The following CYSTM1 variants were observed in gnomAD, a reference collection of about 807,000 sequenced individuals.
The protein encoded by CYSTM1 is cysteine-rich transmembrane module-containing protein 1.
CYSTM1 carries 4 observed loss-of-function variants against 13.1 expected under a neutral mutation model. That is an observed-to-expected ratio of 0.31 (90% CI 0.15 to 0.70). CYSTM1 has a LOEUF of 0.70. Ranked by LOEUF, CYSTM1 falls within the 30% of genes least tolerant of loss-of-function variation. The probability of loss-of-function intolerance (pLI) is 0.72; values close to 1 mark genes in which losing one functional copy is unlikely to be tolerated. For missense variants in CYSTM1, 96 were observed against 121.6 expected, an observed-to-expected ratio of 0.79 and a Z score of 0.99; for synonymous variants, 36 against 42.7, an observed-to-expected ratio of 0.84 and a Z score of 0.62.
chr5:140,229,060 A>G, intron 2 of CYSTM1: 1 of 372,312 alleles, frequency 2.7e-6, no homozygotes, highest in Non-Finnish European at 4.8e-6. Flanking sequence ...GTTTGTACAT[A>G]TCTTGTGAAT....
rs1473515597 is a variant in CYSTM1, at chr5:140,177,145, G to A, written c.-21+1860G>A. Among the ~76,000 whole-genome samples, 16 of 151,594 alleles carry A rather than the reference G, an allele frequency of 1.1e-4. No homozygotes were observed. The East Asian group carries it at 2.7e-3, about 26-fold the overall frequency. Reference sequence around the variant, plus strand: ...TCCGTGTAAGGCTGCGTAAGTGTTAGTTGGCTATTTTGTCTTAATTTCCTG... The same window carrying A: ...TCCGTGTAAGGCTGCGTAAGTGTTAATTGGCTATTTTGTCTTAATTTCCTG... On this transcript the variant is annotated intron_variant, in intron 1 of 2. Transcript: ENST00000261811.
chr5:140,191,507 A>T (rs1764095454), intron 1 of CYSTM1, among the ~76,000 whole-genome samples: 1 of 152,252 alleles, frequency 6.6e-6, no homozygotes, highest in Admixed American at 6.5e-5. Flanking sequence ...AGAACTGCAC[A>T]GGATAATGAG....
At chr5:140,206,959 T>C (rs1039477280) in intron 2 of CYSTM1, among the ~76,000 whole-genome samples, 1 of 152,178 alleles carries the variant, frequency 6.6e-6, no homozygotes, top group Non-Finnish European at 1.5e-5. Context: ...AAACTGAGGA[T>C]AATCCATTTA....
At chr5:140,220,770 G>A (rs1054286980) in intron 2 of CYSTM1, among the ~76,000 whole-genome samples, 5 of 152,016 alleles carry the variant, frequency 3.3e-5, no homozygotes, top group African/African-American at 7.2e-5. Context: ...GAGTCTTCAA[G>A]CAGGAGGGCA....
chr5:140,223,403 C>T (rs1428353441), intron 2 of CYSTM1, among the ~76,000 whole-genome samples: 1 of 152,206 alleles, frequency 6.6e-6, no homozygotes, highest in Admixed American at 6.5e-5. Flanking sequence ...ACTGTCAACC[C>T]TGCTTTTTAC....
intron 1 of CYSTM1, among the ~76,000 whole-genome samples, chr5:140,184,003 G>A (rs1204595027): frequency 6.6e-6 from 1 of 152,150 alleles, no homozygotes; most frequent in South Asian, 2.1e-4. Context: ...TTATTTTCTT[G>A]TAAAAGCCAT....
At chr5:140,238,731 C>G (rs1252018439) in intron 2 of CYSTM1, among the ~76,000 whole-genome samples, 2 of 152,182 alleles carry the variant, frequency 1.3e-5, no homozygotes, top group Non-Finnish European at 2.9e-5. Flanking sequence ...TAAAGATTTT[C>G]CCTTCCCTTC....
rs1357619189 is a variant in CYSTM1 at position 140,219,507 on chromosome 5, G to T, written c.188-23798G>T. Among the ~76,000 whole-genome samples the T allele has an allele frequency of 6.6e-6, 1 of 152,122 alleles. No homozygotes were observed. The highest frequency in any genetic ancestry group is 2.4e-5 in the African/African-American group (1 of 41,408). ...AGAATGGTCATCCTGTCCCATCCCTGACCTTGGAACTCACTGTGTACCAGC... is the reference window on the plus strand; with the variant it reads ...AGAATGGTCATCCTGTCCCATCCCTTACCTTGGAACTCACTGTGTACCAGC... On this transcript the variant is annotated intron_variant, in intron 2 of 2. Transcript: ENST00000261811. This position sits in a 1 kb window ranked among gnomAD's most constrained non-coding sequence, Gnocchi z 4.1.
At chr5:140,227,626 G>C (rs1241234467) in intron 2 of CYSTM1, among the ~76,000 whole-genome samples, 1 of 152,142 alleles carries the variant, frequency 6.6e-6, no homozygotes, top group Non-Finnish European at 1.5e-5. Context: ...GACTTAGGGA[G>C]GCAGCCCAGG....
chr5:140,211,943 CCA>C (rs143546650), intron 2 of CYSTM1, among the ~76,000 whole-genome samples: 1 of 151,632 alleles, frequency 6.6e-6, no homozygotes, highest in Non-Finnish European at 1.5e-5. Flanking sequence ...TGATACCCTG[CCA>C]CACACACACA....
At chr5:140,185,199 AG>A (rs1023194059) in intron 1 of CYSTM1, among the ~76,000 whole-genome samples, 1 of 152,210 alleles carries the variant, frequency 6.6e-6, no homozygotes, top group African/African-American at 2.4e-5. Flanking sequence ...ACTCTGGGCC[AG>A]GGCCTTCAGA....
At chr5:140,191,326 G>C (rs975335011) in intron 1 of CYSTM1, among the ~76,000 whole-genome samples, 1 of 152,204 alleles carries the variant, frequency 6.6e-6, no homozygotes, top group Non-Finnish European at 1.5e-5. Flanking sequence ...TTTATGCTTT[G>C]TATAAATGCC....
chr5:140,215,579 T>C (rs1172972042), intron 2 of CYSTM1, among the ~76,000 whole-genome samples: 1 of 151,944 alleles, frequency 6.6e-6, no homozygotes, highest in African/African-American at 2.4e-5. Flanking sequence ...ACAAAGTAAA[T>C]AATATGCATA....
At chr5:140,203,211 T>G (rs1764252855) in intron 2 of CYSTM1, 1 of 152,156 alleles carries the variant, frequency 6.6e-6, no homozygotes, top group Admixed American at 6.5e-5. Flanking sequence ...AACAAAAAAC[T>G]TTCGATTTAA....
At chr5:140,237,501 T>C (rs1764696630) in intron 2 of CYSTM1, among the ~76,000 whole-genome samples, 1 of 152,164 alleles carries the variant, frequency 6.6e-6, no homozygotes, top group African/African-American at 2.4e-5. Flanking sequence ...GAACTCAGCA[T>C]CCTCTTACCA....
At chr5:140,210,578 A>T (rs1764356215) in intron 2 of CYSTM1, among the ~76,000 whole-genome samples, 1 of 151,770 alleles carries the variant, frequency 6.6e-6, no homozygotes, top group Admixed American at 6.6e-5. Flanking sequence ...CAGTGGTGCA[A>T]CTTTGGCTCA....
intron 2 of CYSTM1, among the ~76,000 whole-genome samples, chr5:140,240,977 G>A (rs186767961): frequency 1.4e-4 from 21 of 152,266 alleles, no homozygotes; most frequent in Admixed American, 1.4e-3. Context: ...TAAGTGACTC[G>A]GGTTTCTAAG....
chr5:140,235,445 G>A (rs1320140774), intron 2 of CYSTM1, among the ~76,000 whole-genome samples: 43 of 145,014 alleles, frequency 3.0e-4, no homozygotes, highest in South Asian at 6.5e-4. Context: ...TCGCTCTGTC[G>A]CCCAGGCTGG....
intron 2 of CYSTM1, among the ~76,000 whole-genome samples, chr5:140,240,045 G>C (rs1040033150): frequency 3.3e-5 from 5 of 151,964 alleles, no homozygotes; most frequent in Non-Finnish European, 1.5e-5. Flanking sequence ...CTGGCCACAG[G>C]GGGGCACTTG....
Sources: gnomAD v4.1 joint callset for allele counts (sites outside exome capture counted in the v4.1 genomes callset) on GRCh38, gnomAD v4.1.1 for gene constraint, Gnocchi (gnomAD v3.1) non-coding constraint, MANE v1.5 for transcripts, NCBI Gene and HGNC (gene_info 2026-07-23, HGNC 2026-07-21) for gene names.